The following PCNT variants were observed in gnomAD, a reference collection of about 807,000 sequenced individuals.
PCNT encodes the protein kendrin.
A neutral mutation model predicts 380.4 loss-of-function variants in PCNT; 319 were observed. That is an observed-to-expected ratio of 0.84 (90% CI 0.77 to 0.92). The LOEUF is 0.92. PCNT is among the 40% of genes least tolerant of loss of function. The pLI is 0.00. For missense variants in PCNT, 4,400 were observed against 4,255.3 expected (o/e 1.03, Z -0.95); for synonymous variants, 1,845 against 1,735.2 (o/e 1.06, Z -1.57).
intron 16 of PCNT, among the ~76,000 whole-genome samples, chr21:46,384,981 T>C (rs2085777541): frequency 6.6e-6 from 1 of 152,236 alleles, no homozygotes; most frequent in Non-Finnish European, 1.5e-5. Flanking sequence ...ATTCACAGTA[T>C]TGTGCAGCCA....
chr21:46,355,761 G>C, intron 12 of PCNT, 135 bp downstream of exon 12: 1 of 867,770 alleles, frequency 1.2e-6, no homozygotes, highest in Non-Finnish European at 1.9e-6. Flanking sequence ...TTCTGGGGCT[G>C]ACACCTCAAC....
Position 46,363,245 on chromosome 21 carries a change from G to A in PCNT, c.2155-235G>A, listed in dbSNP as rs555812943. 2.6e-5 allele frequency among the ~76,000 whole-genome samples: 4 copies of A among 152,314 alleles called. No homozygotes were observed. In the East Asian group the frequency reaches 7.7e-4, roughly 29 times the overall value. On this transcript the variant is annotated intron_variant, in intron 13 of 46. Transcript: ENST00000359568. ...CAAGGCCACGGGCTCCAGAGATAAA[G>A]AACAGTCGGTTCTCGGTGCCAGGAC...
intron 21 of PCNT, among the ~76,000 whole-genome samples, chr21:46,395,750 T>C (rs2086187900): frequency 6.6e-6 from 1 of 151,334 alleles, no homozygotes; most frequent in African/African-American, 2.4e-5. Context: ...AGACACTCCA[T>C]CTCAGAAATA....
chr21:46,325,191 A>T lies in PCNT; in HGVS notation c.54+909A>T, dbSNP rs974378872. 7.1e-6 allele frequency: 7 copies of T among 985,582 alleles called. No homozygotes were observed. The African/African-American group carries it at 1.0e-4, about 15-fold the overall frequency. 61.1% of individuals were successfully genotyped at this position (985,582 alleles called of 1,614,324 possible). On this transcript the variant is annotated intron_variant, in intron 1 of 46. Transcript: ENST00000359568. The stretch of plus-strand genomic sequence containing the variant: ...CGAAAGCGCGAGGCGGAACCGCGGG[A>T]GCAGGCCGGCCTCTGCGAGGTGCGC...
At chr21:46,396,255 C>A (rs528414311) in intron 21 of PCNT, among the ~76,000 whole-genome samples, 3 of 152,220 alleles carry the variant, frequency 2.0e-5, no homozygotes, top group African/African-American at 7.2e-5. Context: ...GGCGATTTAT[C>A]ACAGACACAC....
chr21:46,384,765 G>T (rs552027737), intron 16 of PCNT, among the ~76,000 whole-genome samples: 1 of 141,304 alleles, frequency 7.1e-6, no homozygotes, highest in African/African-American at 2.5e-5. Flanking sequence ...CGCATTCACG[G>T]TGTTGTGCGT....
In PCNT at chr21:46,427,932, C is replaced by A. The variant is rs60091558; in HGVS notation, c.7494+137C>A. 41,014 of 953,186 alleles carry A rather than the reference C, an allele frequency of 0.043. 5,032 individuals are homozygous for A. The highest frequency in any genetic ancestry group is 0.38 in the African/African-American group (23,749 of 61,818). 59.0% of individuals were successfully genotyped at this position (953,186 alleles called of 1,614,324 possible). A position where few individuals can be genotyped will look rare whatever the true frequency, so the allele number is the denominator to read the frequency against. ...ACCGCTGGAATGTGGCTGTCACTTACCCAGGTGTTGACGCTCAGTCCATGC... is the reference window on the plus strand; with the variant it reads ...ACCGCTGGAATGTGGCTGTCACTTAACCAGGTGTTGACGCTCAGTCCATGC... On this transcript the variant is annotated intron_variant, in intron 34 of 46. Transcript: ENST00000359568.
At chr21:46,351,381 G>C (rs1319876297) in intron 8 of PCNT, 48 bp from the exon 9 acceptor site, 5 of 967,878 alleles carry the variant, frequency 5.2e-6, no homozygotes, top group Non-Finnish European at 8.5e-6. Context: ...GCTGGGGTGG[G>C]GGCCTTGAGC....
chr21:46,366,180 C>T (rs574866917), intron 14 of PCNT, among the ~76,000 whole-genome samples: 1 of 152,326 alleles, frequency 6.6e-6, no homozygotes, highest in South Asian at 2.1e-4. Context: ...GTGCCCCTTC[C>T]CTGTTGAGGA....
At chr21:46,421,258 G>A (rs1486395807) in intron 31 of PCNT, among the ~76,000 whole-genome samples, 2 of 152,202 alleles carry the variant, frequency 1.3e-5, no homozygotes, top group Non-Finnish European at 2.9e-5. Flanking sequence ...GCTCCCCAGG[G>A]AGCTTTGTCC....
chr21:46,416,043 G>C, intron 29 of PCNT, 26 bp from the exon 30 acceptor site: 2 of 1,613,030 alleles, frequency 1.2e-6, no homozygotes, highest in South Asian at 2.2e-5. Context: ...GTATTCCACC[G>C]TGCACCTGTT....
chr21:46,363,846 C>CGGGAGCCGCCCACAGCCCAGGACG lies in PCNT; in HGVS notation c.2528_2551dup (p.Pro843_Glu850dup). ...CGCCCTGCATTGCAGCCAGTGTGGG[C>CGGGAGCCGCCCACAGCCCAGGACG]GGGAGCCGCCCACAGCCCAGGACGG... On this transcript the variant is annotated inframe_insertion, in exon 14 of 47. Coordinates refer to ENST00000359568, the MANE Select transcript of PCNT (RefSeq NM_006031.6). 2 of 1,611,916 alleles carry CGGGAGCCGCCCACAGCCCAGGACG rather than the reference C, an allele frequency of 1.2e-6. No individual in the cohort carries two copies. The highest frequency in any genetic ancestry group is 1.7e-6 in the Non-Finnish European group (2 of 1,179,038).
At position 46,346,792 on chromosome 21, in the gene PCNT, T is replaced by C. The variant is rs1157912959; in HGVS notation, c.770T>C (p.Met257Thr). 3 of 1,600,596 alleles carry C rather than the reference T, an allele frequency of 1.9e-6. No homozygotes were observed. The highest frequency in any genetic ancestry group is 2.3e-5 in the South Asian group (2 of 88,666). ...LEALRLSLSN[M>T]HTAQLELTQA... Reference sequence around the variant, plus strand: ...GCGCTGCGCCTGAGTCTGAGCAACATGCACACGGCGCAGCTGGAGCTGACA... The same window carrying C: ...GCGCTGCGCCTGAGTCTGAGCAACACGCACACGGCGCAGCTGGAGCTGACA... Residue 257 changes from methionine to threonine, a missense_variant, in exon 5 of 47, where the codon ATG (methionine) becomes ACG (threonine). Transcript: ENST00000359568.
intron 2 of PCNT, 110 bp from the exon 3 acceptor site, chr21:46,334,287 C>A: frequency 6.8e-7 from 1 of 1,462,928 alleles, no homozygotes; most frequent in Non-Finnish European, 9.6e-7. Context: ...GTGAGCTCTA[C>A]TTGTTAAATG....
chr21:46,369,921 G>A (rs1033657511), intron 15 of PCNT, among the ~76,000 whole-genome samples: 1 of 152,212 alleles, frequency 6.6e-6, no homozygotes, highest in Non-Finnish European at 1.5e-5. Context: ...AGATGCAGGA[G>A]CATCAAGCAG....
At chr21:46,398,287 T>C in intron 24 of PCNT, 32 bp downstream of exon 24, 1 of 1,586,050 alleles carries the variant, frequency 6.3e-7, no homozygotes, top group Non-Finnish European at 8.6e-7. Flanking sequence ...GGGCACTCCC[T>C]GCGCTGGCGC....
chr21:46,430,644 C>T lies in PCNT; in HGVS notation c.8051C>T (p.Ala2684Val). 1 of 1,570,882 alleles carries T rather than the reference C, an allele frequency of 6.4e-7. No homozygotes were observed. The highest frequency in any genetic ancestry group is 2.3e-5 in the East Asian group (1 of 42,862). The change falls in exon 37 of 47, where the codon GCC becomes GTC. Residue 2684 changes from alanine to valine, a missense_variant. By Grantham distance (64) the Ala-to-Val change is moderately conservative. Coordinates refer to ENST00000359568, the MANE Select transcript of PCNT (RefSeq NM_006031.6). ...LRHLQRESQS[A>V]KALEELRASL... ...CACCTGCAGAGGGAGAGCCAGAGTGCCAAGGCCCTGGAGGTAACAGGGTGT... is the reference window on the plus strand; with the variant it reads ...CACCTGCAGAGGGAGAGCCAGAGTGTCAAGGCCCTGGAGGTAACAGGGTGT...
intron 13 of PCNT, among the ~76,000 whole-genome samples, chr21:46,357,398 A>C (rs1430464507): frequency 6.6e-6 from 1 of 152,220 alleles, no homozygotes; most frequent in Non-Finnish European, 1.5e-5. Flanking sequence ...GAATCTTGTC[A>C]GGGTCAGCAC....
chr21:46,397,738 G>A (rs2086255408), intron 22 of PCNT, among the ~76,000 whole-genome samples: 1 of 152,164 alleles, frequency 6.6e-6, no homozygotes, highest in Admixed American at 6.5e-5. Context: ...AGTCACGGAG[G>A]CGTCACTTGG....
Sources: gnomAD v4.1 joint callset for allele counts (sites outside exome capture counted in the v4.1 genomes callset) on GRCh38, gnomAD v4.1.1 for gene constraint, MANE v1.5 for transcripts, NCBI Gene and HGNC (gene_info 2026-07-23, HGNC 2026-07-21) for gene names.